The following WWOX variants were observed in gnomAD, a reference collection of about 807,000 sequenced individuals.
WWOX encodes WW domain containing oxidoreductase, also known as WW domain-containing oxidoreductase.
WWOX carries 69 observed loss-of-function variants against 46.2 expected under a neutral mutation model. The observed-to-expected ratio is 1.49, with a 90% CI of 1.23 to 1.82. The LOEUF is 1.82. WWOX is among the 40% of genes most tolerant of loss of function. The pLI is 0.00. For missense variants in WWOX, 919 were observed against 542.6 expected (o/e 1.69, Z -6.89); for synonymous variants, 359 against 202.6 (o/e 1.77, Z -6.56).
chr16:78,932,369 C>A (rs2045642035), intron 8 of WWOX, among the ~76,000 whole-genome samples: 1 of 152,306 alleles, frequency 6.6e-6, no homozygotes, highest in Non-Finnish European at 1.5e-5. Context: ...CGTTTTTCCA[C>A]CCTGGTGTTT....
chr16:78,987,726 G>A (rs1382273432), intron 8 of WWOX, among the ~76,000 whole-genome samples: 1 of 152,166 alleles, frequency 6.6e-6, no homozygotes, highest in East Asian at 1.9e-4. Flanking sequence ...GCTAATGAGA[G>A]TTGCGATATG....
chr16:78,118,440 T>G (rs1159577261), intron 4 of WWOX, among the ~76,000 whole-genome samples: 1 of 152,154 alleles, frequency 6.6e-6, no homozygotes, highest in Admixed American at 6.5e-5. Flanking sequence ...GATTCAACTG[T>G]CTGGATTGGA....
At chr16:79,044,568 A>T (rs1445954766) in intron 8 of WWOX, among the ~76,000 whole-genome samples, 1 of 152,182 alleles carries the variant, frequency 6.6e-6, no homozygotes, top group Non-Finnish European at 1.5e-5. Flanking sequence ...AAGCTTCTTG[A>T]GACTTCCCCC....
At position 79,192,646 on chromosome 16, in the gene WWOX, A is replaced by G. The variant is rs77802794; in HGVS notation, c.1057-18962A>G. On this transcript the variant is annotated intron_variant, in intron 8 of 8. Transcript: ENST00000566780. ...TGATTTGTGTGGCCCTATGCTTACAAGTGGAGCCTTTCCCTCATTTTTGCT... is the reference window on the plus strand; with the variant it reads ...TGATTTGTGTGGCCCTATGCTTACAGGTGGAGCCTTTCCCTCATTTTTGCT... Among the ~76,000 whole-genome samples the G allele has an allele frequency of 6.4e-3, 980 of 152,318 alleles. 12 individuals carry two copies. Among genetic ancestry groups the G allele is most frequent in the African/African-American group, 0.022 (916 of 41,576 alleles).
intron 3 of WWOX, among the ~76,000 whole-genome samples, chr16:78,110,670 C>A (rs2032440350): frequency 6.6e-6 from 1 of 152,174 alleles, no homozygotes; most frequent in South Asian, 2.1e-4. Context: ...ACCTGTCCAA[C>A]ATATAGCATG....
intron 8 of WWOX, among the ~76,000 whole-genome samples, chr16:79,128,793 G>C (rs893864135): frequency 5.3e-5 from 8 of 152,160 alleles, no homozygotes; most frequent in African/African-American, 1.9e-4. Flanking sequence ...GGGGGCGGAG[G>C]CTAGGTCTCC....
At chr16:78,451,093 A>G (rs1444986828) in intron 8 of WWOX, among the ~76,000 whole-genome samples, 2 of 152,146 alleles carry the variant, frequency 1.3e-5, no homozygotes, top group Admixed American at 6.5e-5. Flanking sequence ...CCGATGTCAC[A>G]TTATCTCATT....
chr16:78,827,845 A>G (rs1417405928), intron 8 of WWOX, among the ~76,000 whole-genome samples: 6 of 151,826 alleles, frequency 4.0e-5, no homozygotes, highest in Non-Finnish European at 7.4e-5. Context: ...ATTTCAGAGA[A>G]AAACAACAAC....
intron 8 of WWOX, among the ~76,000 whole-genome samples, chr16:78,867,779 G>A (rs2044038429): frequency 6.6e-6 from 1 of 152,018 alleles, no homozygotes; most frequent in Non-Finnish European, 1.5e-5. Flanking sequence ...TTTTTATACT[G>A]CCAATCTGAG....
chr16:78,187,588 C>T (rs529253486), intron 5 of WWOX, among the ~76,000 whole-genome samples: 2 of 152,254 alleles, frequency 1.3e-5, no homozygotes, highest in Non-Finnish European at 2.9e-5. Context: ...GGTCCACACA[C>T]AGAGTGAGAC....
chr16:79,094,214 C>G, intron 8 of WWOX, among the ~76,000 whole-genome samples: 1 of 151,676 alleles, frequency 6.6e-6, no homozygotes, highest in Middle Eastern at 3.5e-3. Flanking sequence ...CTTTTGCCAG[C>G]GCTCTCGTCT....
intron 6 of WWOX, among the ~76,000 whole-genome samples, chr16:78,408,766 A>C (rs1227492621): frequency 6.6e-6 from 1 of 152,206 alleles, no homozygotes; most frequent in African/African-American, 2.4e-5. Flanking sequence ...GGAGAAAGGA[A>C]GAGTTTCCTG....
chr16:78,344,847 A>T (rs1449034354), intron 5 of WWOX, among the ~76,000 whole-genome samples: 1 of 121,340 alleles, frequency 8.2e-6, no homozygotes, highest in East Asian at 1.9e-4. Flanking sequence ...AGGCCTTCCT[A>T]AGATGTCTGA....
intron 8 of WWOX, among the ~76,000 whole-genome samples, chr16:78,781,619 T>C (rs2050327378): frequency 6.6e-6 from 1 of 152,146 alleles, no homozygotes; most frequent in Non-Finnish European, 1.5e-5. Context: ...TATTCAGTGT[T>C]TTACAAAGAC....
At chr16:78,105,294 T>C (rs1469319691) in intron 1 of WWOX, among the ~76,000 whole-genome samples, 1 of 152,132 alleles carries the variant, frequency 6.6e-6, no homozygotes, top group Admixed American at 6.5e-5. Flanking sequence ...AAACCCCATC[T>C]CTACTAAAAA....
At chr16:78,854,667 G>T (rs756510760) in intron 8 of WWOX, among the ~76,000 whole-genome samples, 2 of 152,080 alleles carry the variant, frequency 1.3e-5, no homozygotes, top group East Asian at 3.9e-4. Context: ...TGCAACCTCC[G>T]CCTCCCGGGT....
chr16:78,569,424 T>A (rs2044658585), intron 8 of WWOX, among the ~76,000 whole-genome samples: 1 of 152,234 alleles, frequency 6.6e-6, no homozygotes, highest in African/African-American at 2.4e-5. Flanking sequence ...GGTCAAGTCA[T>A]TTAATTTATC....
chr16:78,351,986 A>G (rs2081194271), intron 5 of WWOX, among the ~76,000 whole-genome samples: 1 of 152,130 alleles, frequency 6.6e-6, no homozygotes, highest in African/African-American at 2.4e-5. Context: ...AACCTAGATC[A>G]AGAGTCAAAC....
chr16:78,592,373 A>G (rs1175222082), intron 8 of WWOX, among the ~76,000 whole-genome samples: 1 of 152,226 alleles, frequency 6.6e-6, no homozygotes, highest in Non-Finnish European at 1.5e-5. Context: ...TATTGAATTG[A>G]ACACCATTTC....
Sources: gnomAD v4.1 joint callset for allele counts (sites outside exome capture counted in the v4.1 genomes callset) on GRCh38, gnomAD v4.1.1 for gene constraint, MANE v1.5 for transcripts, NCBI Gene and HGNC (gene_info 2026-07-23, HGNC 2026-07-21) for gene names.